Variants in COL25A1 observed in about 807,000 individuals in gnomAD.
COL25A1 encodes the protein collagen alpha-1(XXV) chain.
COL25A1 carries 103 observed loss-of-function variants against 128.4 expected under a neutral mutation model. That is an observed-to-expected ratio of 0.80 (90% CI 0.68 to 0.94). COL25A1 has a LOEUF of 0.94. Ranked by LOEUF, COL25A1 falls within the 40% of genes least tolerant of loss-of-function variation. The pLI is 0.00. For missense variants in COL25A1, 745 were observed against 840.0 expected (o/e 0.89, Z 1.40); for synonymous variants, 279 against 277.2 (o/e 1.01, Z -0.06).
intron 24 of COL25A1, among the ~76,000 whole-genome samples, chr4:108,858,489 A>G (rs1395274449): frequency 6.6e-6 from 1 of 152,198 alleles, no homozygotes; most frequent in African/African-American, 2.4e-5. Flanking sequence ...TAAACTTTCT[A>G]TTCCCTCAAA....
chr4:108,839,314 T>C (rs1734153820), intron 31 of COL25A1, among the ~76,000 whole-genome samples: 1 of 152,214 alleles, frequency 6.6e-6, no homozygotes, highest in Admixed American at 6.5e-5. Flanking sequence ...GCTATATATT[T>C]GAACTTTCAA....
Position 109,198,294 on chromosome 4 carries a change from T to TCACACACACACACACACACA in COL25A1, c.367+102269_367+102288dup, listed in dbSNP as rs112993547. Among the ~76,000 whole-genome samples, 171 of 144,044 alleles carry TCACACACACACACACACACA rather than the reference T, an allele frequency of 1.2e-3. 1 individual carries two copies. Among genetic ancestry groups the TCACACACACACACACACACA allele is most frequent in the African/African-American group, 3.7e-3 (142 of 38,902 alleles). The allele number at this position is 144,044 out of a possible 152,430, so 94.5% of individuals were successfully genotyped here. On this transcript the variant is annotated intron_variant, in intron 3 of 37. Transcript: ENST00000399132. Reference sequence around the variant, plus strand: ...ACCACATCAGACTCTGCATATTCATTCACACACACACACACACACACACAC... The same window carrying TCACACACACACACACACACA: ...ACCACATCAGACTCTGCATATTCATTCACACACACACACACACACACACACACACACACACACACACACAC...
chr4:109,122,427 A>G (rs1768188188), intron 3 of COL25A1, among the ~76,000 whole-genome samples: 1 of 151,968 alleles, frequency 6.6e-6, no homozygotes, highest in African/African-American at 2.4e-5. Context: ...ACCTAAAACT[A>G]CTCTAAAAAT....
intron 3 of COL25A1, among the ~76,000 whole-genome samples, chr4:109,051,197 C>G (rs987821100): frequency 3.3e-5 from 5 of 152,062 alleles, no homozygotes; most frequent in South Asian, 2.1e-4. Flanking sequence ...TTAGAAAGTT[C>G]AAGACACAGG....
At chr4:108,908,133 C>T (rs951395622) in intron 13 of COL25A1, among the ~76,000 whole-genome samples, 2 of 152,124 alleles carry the variant, frequency 1.3e-5, no homozygotes, top group Non-Finnish European at 2.9e-5. Flanking sequence ...TTTTCCAGCC[C>T]CCTGCTCAAG....
chr4:109,255,289 T>C (rs1033678298), intron 3 of COL25A1, among the ~76,000 whole-genome samples: 1 of 152,196 alleles, frequency 6.6e-6, no homozygotes, highest in African/African-American at 2.4e-5. Context: ...AACTTCATCT[T>C]ATATTCCAAA....
intron 3 of COL25A1, among the ~76,000 whole-genome samples, chr4:109,216,459 A>G (rs6842851): frequency 0.086 from 13,147 of 152,172 alleles, 1,185 homozygotes; most frequent in African/African-American, 0.23. Context: ...TTATTTGGAA[A>G]TGGTCTTTGT....
rs561551635 is a variant in COL25A1, at chr4:109,091,630, A to C, written c.368-41451T>G. On this transcript the variant is annotated intron_variant, in intron 3 of 37. Transcript: ENST00000399132. ...TCAAGAGCATATATCACTTCCTGAG[A>C]GTTCTTTTAGAAGTCAGCTAAAGCA... is the stretch of plus-strand genomic sequence containing the variant. Among the ~76,000 whole-genome samples, 45 of 152,132 alleles carry C rather than the reference A, an allele frequency of 3.0e-4. No homozygotes were observed. The East Asian group carries it at 8.0e-3, about 27-fold the overall frequency.
chr4:108,942,893 T>C (rs1412103753), intron 8 of COL25A1, among the ~76,000 whole-genome samples: 1 of 151,250 alleles, frequency 6.6e-6, no homozygotes, highest in African/African-American at 2.4e-5. Flanking sequence ...GTAGCTGGGA[T>C]TACAGGTGTG....
intron 3 of COL25A1, among the ~76,000 whole-genome samples, chr4:109,053,323 C>A (rs1761152186): frequency 6.6e-6 from 1 of 152,130 alleles, no homozygotes; most frequent in Non-Finnish European, 1.5e-5. Flanking sequence ...GACTATAAAC[C>A]CAACTCCAGA....
intron 3 of COL25A1, among the ~76,000 whole-genome samples, chr4:109,123,409 C>A (rs1244888253): frequency 6.6e-6 from 1 of 151,744 alleles, no homozygotes; most frequent in Non-Finnish European, 1.5e-5. Flanking sequence ...TAAATGAAAC[C>A]TTATTTTAAT....
intron 8 of COL25A1, among the ~76,000 whole-genome samples, chr4:108,955,404 G>C (rs558594603): frequency 6.6e-6 from 1 of 152,220 alleles, no homozygotes; most frequent in East Asian, 1.9e-4. Context: ...GATTTTTCAA[G>C]GGAAATGTGA....
intron 16 of COL25A1, among the ~76,000 whole-genome samples, chr4:108,891,289 T>C (rs186835090): frequency 9.8e-5 from 15 of 152,308 alleles, no homozygotes; most frequent in African/African-American, 3.6e-4. Flanking sequence ...TTCTTTGACA[T>C]CTATAATTGC....
intron 30 of COL25A1, among the ~76,000 whole-genome samples, chr4:108,843,905 T>TATG (rs1399464116): frequency 2.6e-5 from 4 of 151,742 alleles, no homozygotes; most frequent in African/African-American, 9.7e-5. Flanking sequence ...TTATTATTAT[T>TATG]ATTATTATTT....
intron 3 of COL25A1, among the ~76,000 whole-genome samples, chr4:109,103,016 G>A (rs531169266): frequency 1.5e-4 from 23 of 151,940 alleles, no homozygotes; most frequent in East Asian, 3.9e-4. Context: ...TATAGATATC[G>A]CACTAGTTTG....
At chr4:108,928,676 G>A (rs1746372901) in intron 11 of COL25A1, among the ~76,000 whole-genome samples, 1 of 151,938 alleles carries the variant, frequency 6.6e-6, no homozygotes, top group African/African-American at 2.4e-5. Flanking sequence ...ATAAGTAGCT[G>A]GGACTACACG....
intron 3 of COL25A1, among the ~76,000 whole-genome samples, chr4:109,269,687 C>A (rs1297942): frequency 6.6e-6 from 1 of 151,672 alleles, no homozygotes; most frequent in African/African-American, 2.4e-5. Flanking sequence ...TGGCCAGTGA[C>A]GGTGAACATT....
At chr4:108,861,105 C>T in intron 22 of COL25A1, 134 bp from the exon 23 acceptor site, 2 of 682,430 alleles carry the variant, frequency 2.9e-6, no homozygotes, top group Non-Finnish European at 5.2e-6. Flanking sequence ...GCAACCACCA[C>T]CAAAATAGCA....
intron 3 of COL25A1, among the ~76,000 whole-genome samples, chr4:109,221,143 G>A (rs1214198258): frequency 7.8e-6 from 1 of 128,204 alleles, no homozygotes; most frequent in Non-Finnish European, 1.6e-5. Flanking sequence ...TATGTGATGA[G>A]TAATTGATAA....
Sources: gnomAD v4.1 joint callset for allele counts (sites outside exome capture counted in the v4.1 genomes callset) on GRCh38, gnomAD v4.1.1 for gene constraint, MANE v1.5 for transcripts, NCBI Gene and HGNC (gene_info 2026-07-23, HGNC 2026-07-21) for gene names.